PIP4K2A: variants seen among roughly 807,000 people sequenced by gnomAD.
The protein encoded by PIP4K2A is phosphatidylinositol 5-phosphate 4-kinase type-2 alpha.
Under a neutral mutation model 42.9 loss-of-function variants are expected in PIP4K2A, and 14 were observed. The observed-to-expected ratio is 0.33, with a 90% CI of 0.22 to 0.51. PIP4K2A has a LOEUF of 0.51. Among genes scored for constraint, PIP4K2A ranks in the 20% least tolerant of loss-of-function variants. The pLI is 0.97. For synonymous variants in PIP4K2A, 192 were observed against 192.2 expected (o/e 1.00, Z 0.01); for missense variants, 434 against 519.8 (o/e 0.83, Z 1.61).
At chr10:22,712,480 A>G (rs942532951) in intron 1 of PIP4K2A, among the ~76,000 whole-genome samples, 1 of 152,230 alleles carries the variant, frequency 6.6e-6, no homozygotes, top group African/African-American at 2.4e-5. Flanking sequence ...TAAGCACTAC[A>G]GTATTCATCC....
At chr10:22,617,290 G>A (rs1838197237) in intron 1 of PIP4K2A, among the ~76,000 whole-genome samples, 1 of 152,202 alleles carries the variant, frequency 6.6e-6, no homozygotes, top group African/African-American at 2.4e-5. Flanking sequence ...ATAGCTACTG[G>A]ACAAGGAATA....
At chr10:22,567,971 C>A (rs1224290257) in intron 5 of PIP4K2A, 82 bp from the exon 6 acceptor site, 1 of 1,275,846 alleles carries the variant, frequency 7.8e-7, no homozygotes, top group Non-Finnish European at 1.1e-6. Flanking sequence ...TGGCTCCAGG[C>A]GGAGCAGAGA....
chr10:22,670,412 C>T (rs1839426662), intron 1 of PIP4K2A, among the ~76,000 whole-genome samples: 1 of 152,066 alleles, frequency 6.6e-6, no homozygotes, highest in Non-Finnish European at 1.5e-5. Context: ...CCTTAAGGTC[C>T]ACCTGACTGA....
chr10:22,545,461 C>A (rs571916151), intron 7 of PIP4K2A, among the ~76,000 whole-genome samples: 43 of 152,354 alleles, frequency 2.8e-4, no homozygotes, highest in African/African-American at 9.6e-4. Context: ...CAGGGCCCAG[C>A]CTCCCCTGGC....
At chr10:22,664,105 A>G (rs568268544) in intron 1 of PIP4K2A, among the ~76,000 whole-genome samples, 751 of 62,604 alleles carry the variant, frequency 0.012, 14 homozygotes, top group African/African-American at 0.023. Flanking sequence ...ATATATATAC[A>G]TATATATATA....
intron 4 of PIP4K2A, among the ~76,000 whole-genome samples, chr10:22,589,466 G>A (rs948622672): frequency 6.6e-6 from 1 of 152,114 alleles, no homozygotes; most frequent in East Asian, 1.9e-4. Context: ...TATTATAAAA[G>A]ATTTATTAGA....
chr10:22,540,649 C>T (rs748399316), intron 8 of PIP4K2A, among the ~76,000 whole-genome samples: 6 of 152,136 alleles, frequency 3.9e-5, no homozygotes, highest in Non-Finnish European at 7.3e-5. Context: ...CCTCCACCTC[C>T]CGAGTTCAAG....
Position 22,714,468 on chromosome 10 carries a change from GCGCTCAGCCCCACTCGGCT to G in PIP4K2A, c.-161_-143del, listed in dbSNP as rs1833973693. ...CTCCGCTCCGCCCGCCGCCGCCGGC[GCGCTCAGCCCCACTCGGCT>G]CGCTCCGCCCGCTCGGCCCGGCAGA... On this transcript the variant is annotated 5_prime_UTR_variant, in exon 1 of 10. Transcript: ENST00000376573. 3.0e-6 allele frequency: 1 copy of G among 328,010 alleles called. No individual in the cohort carries two copies. Among genetic ancestry groups the G allele is most frequent in the South Asian group, 1.2e-4 (1 of 8,624 alleles). The allele number at this position is 328,010 out of a possible 1,614,324, so 20.3% of individuals were successfully genotyped here. A position where few individuals can be genotyped will look rare whatever the true frequency, so the allele number is the denominator to read the frequency against.
intron 4 of PIP4K2A, among the ~76,000 whole-genome samples, chr10:22,579,001 T>C (rs1031952942): frequency 2.0e-5 from 3 of 152,116 alleles, no homozygotes; most frequent in African/African-American, 4.8e-5. Context: ...AACCTGTCAT[T>C]TATGATGAAA....
intron 1 of PIP4K2A, among the ~76,000 whole-genome samples, chr10:22,682,459 T>C (rs985810432): frequency 2.0e-5 from 3 of 152,178 alleles, no homozygotes; most frequent in East Asian, 1.9e-4. Context: ...ATTCCTAATA[T>C]AGTGTTTTAT....
intron 6 of PIP4K2A, among the ~76,000 whole-genome samples, chr10:22,561,785 G>C (rs1391666031): frequency 6.6e-6 from 1 of 151,686 alleles, no homozygotes; most frequent in African/African-American, 2.4e-5. Flanking sequence ...GGGTGGTCTT[G>C]AACTCCCGAG....
At chr10:22,562,570 G>C (rs565098887) in intron 6 of PIP4K2A, among the ~76,000 whole-genome samples, 2 of 152,268 alleles carry the variant, frequency 1.3e-5, no homozygotes, top group African/African-American at 4.8e-5. Flanking sequence ...AAACAGTTTG[G>C]CTCTATTAAT....
chr10:22,693,781 T>C (rs2045321109), intron 1 of PIP4K2A, among the ~76,000 whole-genome samples: 2 of 152,068 alleles, frequency 1.3e-5, no homozygotes. Flanking sequence ...TTTATTTTAC[T>C]GTCTCAGCTT....
chr10:22,592,079 C>G (rs1205370890), intron 3 of PIP4K2A, among the ~76,000 whole-genome samples: 1 of 152,144 alleles, frequency 6.6e-6, no homozygotes, highest in Non-Finnish European at 1.5e-5. Context: ...CAGAGTTGGA[C>G]AAGCTCTCAA....
intron 1 of PIP4K2A, among the ~76,000 whole-genome samples, chr10:22,698,837 T>C (rs950599232): frequency 6.6e-6 from 1 of 152,240 alleles, no homozygotes; most frequent in Non-Finnish European, 1.5e-5. Flanking sequence ...TGTGTGTGTT[T>C]TTCAAATTTT....
chr10:22,644,402 T>G (rs1042547905), intron 1 of PIP4K2A, among the ~76,000 whole-genome samples: 6 of 152,214 alleles, frequency 3.9e-5, no homozygotes, highest in Non-Finnish European at 8.8e-5. Context: ...GTTCCACACC[T>G]TGCAGCCCAG....
intron 7 of PIP4K2A, among the ~76,000 whole-genome samples, chr10:22,544,800 T>C (rs1588614948): frequency 6.6e-6 from 1 of 152,300 alleles, no homozygotes; most frequent in East Asian, 1.9e-4. Context: ...CATCCACTTC[T>C]GGGGCCCACT....
At chr10:22,632,347 T>A (rs1004149848) in intron 1 of PIP4K2A, among the ~76,000 whole-genome samples, 10 of 152,192 alleles carry the variant, frequency 6.6e-5, no homozygotes, top group African/African-American at 2.4e-4. Context: ...TGGGAGTTCT[T>A]TGTATTATTT....
chr10:22,596,322 C>T (rs541820620), intron 3 of PIP4K2A, among the ~76,000 whole-genome samples: 27 of 151,954 alleles, frequency 1.8e-4, no homozygotes, highest in Middle Eastern at 3.4e-3. Context: ...AAACAGAGTC[C>T]GATCAGAAGA....
Sources: gnomAD v4.1 joint callset for allele counts (sites outside exome capture counted in the v4.1 genomes callset) on GRCh38, gnomAD v4.1.1 for gene constraint, MANE v1.5 for transcripts, NCBI Gene and HGNC (gene_info 2026-07-23, HGNC 2026-07-21) for gene names.